MED24: variants seen among roughly 807,000 people sequenced by gnomAD.
MED24 encodes the protein mediator of RNA polymerase II transcription subunit 24.
Under a neutral mutation model 118.8 loss-of-function variants are expected in MED24, and 74 were observed. That is an observed-to-expected ratio of 0.62 (90% CI 0.52 to 0.76). The LOEUF is 0.76. MED24 is among the 30% of genes least tolerant of loss of function. The probability of loss-of-function intolerance (pLI) is 0.00; values close to 1 mark genes in which losing one functional copy is unlikely to be tolerated. For synonymous variants in MED24, 521 were observed against 523.9 expected, an observed-to-expected ratio of 0.99 and a Z score of 0.08; for missense variants, 1,041 against 1,278.9, an observed-to-expected ratio of 0.81 and a Z score of 2.84.
At chr17:40,020,192 T>G (rs1410592848) in intron 24 of MED24, 81 bp downstream of exon 24, 26 of 1,353,072 alleles carry the variant, frequency 1.9e-5, no homozygotes, top group Non-Finnish European at 2.4e-5. Context: ...CCCTTCCAGC[T>G]GACAAGGTCT....
At chr17:40,051,647 G>A (rs925173291) in intron 3 of MED24, among the ~76,000 whole-genome samples, 2 of 152,048 alleles carry the variant, frequency 1.3e-5, no homozygotes, top group South Asian at 2.1e-4. Context: ...ATAAGGCTGG[G>A]CGTGGTGGCT....
intron 14 of MED24, 145 bp from the exon 15 acceptor site, chr17:40,028,091 G>A (rs1360429761): frequency 1.2e-6 from 1 of 803,182 alleles, no homozygotes; most frequent in Admixed American, 2.6e-5. Context: ...ATAGAAAAAA[G>A]GTTTTTGTGG....
chr17:40,053,692 G>C, intron 1 of MED24, 57 bp from the exon 2 acceptor site: 1 of 1,594,060 alleles, frequency 6.3e-7, no homozygotes, highest in South Asian at 1.1e-5. Context: ...AAGGAGAACC[G>C]GGGAAGGCAG....
At position 40,031,186 on chromosome 17, in the gene MED24, G is replaced by A. The variant is rs1460192735; in HGVS notation, c.1127C>T (p.Ala376Val). The A allele has an allele frequency of 6.4e-7, 1 of 1,571,672 alleles. No individual in the cohort carries two copies. Among genetic ancestry groups the A allele is most frequent in the Admixed American group, 1.9e-5 (1 of 53,426 alleles). ...ECGKQGLLSE[A>V]SVNNLMAKRK... ...CTTAGCCATAAGGTTGTTGACGCTGGCCTCAGACAGAAGCCCCTGCTTGCC... is the reference window on the plus strand; with the variant it reads ...CTTAGCCATAAGGTTGTTGACGCTGACCTCAGACAGAAGCCCCTGCTTGCC... The change falls in exon 12 of 26, where the codon GCC (alanine) becomes GTC (valine). Residue 376 changes from alanine to valine, a missense_variant. Physicochemically the swap from Ala to Val is moderately conservative, Grantham distance 64. Transcript: ENST00000394128.
intron 3 of MED24, among the ~76,000 whole-genome samples, chr17:40,050,621 T>TA (rs896792591): frequency 6.7e-6 from 1 of 148,710 alleles, no homozygotes; most frequent in East Asian, 2.0e-4. Flanking sequence ...TCTCAGTAAA[T>TA]AAAAAAAAAG....
chr17:40,032,472 G>A (rs1414395006), intron 9 of MED24, 177 bp downstream of exon 9: 1 of 599,234 alleles, frequency 1.7e-6, no homozygotes, highest in African/African-American at 1.9e-5. Context: ...CTGCCAAATG[G>A]GCTAAATATA....
In MED24 at chr17:40,020,262, G is replaced by T; in HGVS notation, c.2704+11C>A. ...TAGCCCCAGGTTCGGCAGCAGGGGT[G>T]GGGAACTCACCCAGGACTCGGTTCA... On this transcript the variant is annotated intron_variant, in intron 24 of 25. Transcript: ENST00000394128. The T allele has an allele frequency of 6.6e-7, 1 of 1,517,296 alleles. No individual in the cohort carries two copies. 94.0% of individuals were successfully genotyped at this position (1,517,296 alleles called of 1,614,324 possible). A position where few individuals can be genotyped will look rare whatever the true frequency, so the allele number is the denominator to read the frequency against.
chr17:40,019,299 G>T lies in MED24; in HGVS notation c.*230C>A. On this transcript the variant is annotated 3_prime_UTR_variant, in exon 26 of 26. Coordinates refer to ENST00000394128, the MANE Select transcript of MED24 (RefSeq NM_014815.4). Reference sequence around the variant, plus strand: ...GGTGACCACTGGGCTTGTGGTCCAGGCTGCTCACTCTCCTCAGGTGCCAGC... The same window carrying T: ...GGTGACCACTGGGCTTGTGGTCCAGTCTGCTCACTCTCCTCAGGTGCCAGC... The T allele has an allele frequency of 1.8e-6, 1 of 556,436 alleles. No individual in the cohort carries two copies. The highest frequency in any genetic ancestry group is 3.2e-6 in the Non-Finnish European group (1 of 312,416). 34.5% of individuals were successfully genotyped at this position (556,436 alleles called of 1,614,324 possible). A position where few individuals can be genotyped will look rare whatever the true frequency, so the allele number is the denominator to read the frequency against.
At chr17:40,029,211 C>CT (rs1353773161) in intron 13 of MED24, among the ~76,000 whole-genome samples, 1 of 152,112 alleles carries the variant, frequency 6.6e-6, no homozygotes, top group Non-Finnish European at 1.5e-5. Context: ...CTGTCCTTTC[C>CT]TTTTTTAGAC....
chr17:40,045,237 T>C (rs1289846443), intron 3 of MED24, among the ~76,000 whole-genome samples: 3 of 151,240 alleles, frequency 2.0e-5, no homozygotes, highest in Non-Finnish European at 2.9e-5. Flanking sequence ...TCACTTGAGG[T>C]CAGGAGTTTG....
At chr17:40,037,414 G>C (rs1238180005) in intron 3 of MED24, among the ~76,000 whole-genome samples, 1 of 151,966 alleles carries the variant, frequency 6.6e-6, no homozygotes. Context: ...TTACACGGCG[G>C]GTGCCTGCAG....
intron 3 of MED24, among the ~76,000 whole-genome samples, chr17:40,041,548 C>T (rs1984562733): frequency 6.6e-6 from 1 of 152,132 alleles, no homozygotes; most frequent in Non-Finnish European, 1.5e-5. Flanking sequence ...TGTTCAACTG[C>T]CTACCGAGTA....
intron 16 of MED24, 139 bp downstream of exon 16, chr17:40,027,244 A>G (rs1190401056): frequency 1.7e-6 from 2 of 1,153,672 alleles, no homozygotes; most frequent in African/African-American, 3.1e-5. Flanking sequence ...TACGGACTCC[A>G]GCCCGGGTGG....
chr17:40,046,419 G>A (rs1985211913), intron 3 of MED24, among the ~76,000 whole-genome samples: 3 of 149,640 alleles, frequency 2.0e-5, no homozygotes, highest in Non-Finnish European at 4.4e-5. Context: ...ATATATATGT[G>A]TCAACTGAGA....
intron 9 of MED24, 166 bp from the exon 10 acceptor site, chr17:40,032,256 C>T (rs1983478711): frequency 5.3e-6 from 4 of 758,068 alleles, no homozygotes; most frequent in African/African-American, 1.8e-5. Flanking sequence ...AATAGGTGCC[C>T]AGGCCCCTGA....
intron 23 of MED24, chr17:40,021,321 A>G (rs993831344): frequency 2.6e-5 from 4 of 152,312 alleles, no homozygotes; most frequent in Non-Finnish European, 4.4e-5. Flanking sequence ...TGGCAAACCT[A>G]GCATCTTTCT....
Position 40,019,743 on chromosome 17 carries a change from A to G in MED24, c.2853+42T>C, listed in dbSNP as rs766643366. ...CCTCCCTGCTCTAAGGGCTGCCCCG[A>G]GGCCCCAGCACCAGCAGGAGAGCCG... is the stretch of plus-strand genomic sequence containing the variant. On this transcript the variant is annotated intron_variant, in intron 25 of 25. Coordinates refer to ENST00000394128, the MANE Select transcript of MED24 (RefSeq NM_014815.4). 3.1e-6 allele frequency: 5 copies of G among 1,605,274 alleles called. No homozygotes were observed. The East Asian group carries it at 6.7e-5, about 22-fold the overall frequency.
chr17:40,044,066 T>G (rs1258209310), intron 3 of MED24, among the ~76,000 whole-genome samples: 1 of 128,766 alleles, frequency 7.8e-6, no homozygotes. Flanking sequence ...AAGCTAAGGT[T>G]GCAATAAGCC....
rs925295037 is a variant in MED24, at chr17:40,031,638, T to C, written c.985-18A>G. The C allele has an allele frequency of 2.0e-5, 33 of 1,610,546 alleles. No homozygotes were observed. Among genetic ancestry groups the C allele is most frequent in the Non-Finnish European group, 2.6e-5 (31 of 1,177,200 alleles). ...GTGAAGTCCTAGAAAGAGGCAGAAG[T>C]GTCCATCTGGTTTCCAGGGCCACCA... On this transcript the variant is annotated intron_variant, in intron 10 of 25. Transcript: ENST00000394128.
Sources: allele counts gnomAD v4.1 joint callset (sites outside exome capture counted in the v4.1 genomes callset), GRCh38; gene constraint gnomAD v4.1.1; transcripts MANE v1.5; gene names NCBI Gene and HGNC (gene_info 2026-07-23, HGNC 2026-07-21).